The following GTF2E1 variants were observed in gnomAD, a reference collection of about 807,000 sequenced individuals.
GTF2E1 encodes TFIIE alpha subunit.
GTF2E1 carries 14 observed loss-of-function variants against 34.9 expected under a neutral mutation model. The observed-to-expected ratio is 0.40, with a 90% confidence interval of 0.27 to 0.63. GTF2E1 has a LOEUF of 0.63. Among genes scored for constraint, GTF2E1 ranks in the 20% least tolerant of loss-of-function variants. GTF2E1 has a pLI of 0.39. For missense variants in GTF2E1, 469 were observed against 557.7 expected, an observed-to-expected ratio of 0.84 and a Z score of 1.60; for synonymous variants, 188 against 192.9, an observed-to-expected ratio of 0.97 and a Z score of 0.21.
intron 2 of GTF2E1, among the ~76,000 whole-genome samples, chr3:120,769,196 TAA>T (rs75846153): frequency 2.9e-4 from 38 of 133,132 alleles, no homozygotes; most frequent in Admixed American, 3.1e-4. Flanking sequence ...ATCTTTTACC[TAA>T]AAAAAAAAAA....
At chr3:120,772,898 G>C (rs1709365116) in intron 3 of GTF2E1, among the ~76,000 whole-genome samples, 1 of 152,038 alleles carries the variant, frequency 6.6e-6, no homozygotes. Context: ...ATGAGTCTTA[G>C]TGGTACAGTG....
chr3:120,755,900 A>G (rs764065919), intron 2 of GTF2E1, among the ~76,000 whole-genome samples: 2 of 152,194 alleles, frequency 1.3e-5, no homozygotes, highest in East Asian at 1.9e-4. Context: ...TTCACTTAAC[A>G]TAATGATTTC....
Position 120,781,577 on chromosome 3 carries a change from A to C in GTF2E1, c.*107A>C. ...CTTTCTGCCCCTCTTGATGTAAGCAACTGTCCATCCTTGTGCAAAGATTGA... is the reference window on the plus strand; with the variant it reads ...CTTTCTGCCCCTCTTGATGTAAGCACCTGTCCATCCTTGTGCAAAGATTGA... On this transcript the variant is annotated 3_prime_UTR_variant, in exon 5 of 5. Coordinates refer to ENST00000283875, the MANE Select transcript of GTF2E1 (RefSeq NM_005513.3). The C allele has an allele frequency of 1.2e-6, 1 of 810,756 alleles. No individual in the cohort carries two copies. The highest frequency in any genetic ancestry group is 2.0e-6 in the Non-Finnish European group (1 of 506,700). 50.2% of individuals were successfully genotyped at this position (810,756 alleles called of 1,614,324 possible).
At chr3:120,761,208 G>A (rs1419209689) in intron 2 of GTF2E1, among the ~76,000 whole-genome samples, 1 of 152,170 alleles carries the variant, frequency 6.6e-6, no homozygotes, top group Admixed American at 6.5e-5. Flanking sequence ...TATTTTTGTA[G>A]CGTTGTTTAT....
Position 120,776,617 on chromosome 3 carries a change from G to A in GTF2E1, c.845G>A (p.Arg282Lys). The change falls in exon 4 of 5, where the codon AGA becomes AAA. Residue 282 changes from arginine (R) to lysine (K), a missense_variant. Physicochemically the swap from Arg to Lys is conservative, Grantham distance 26 (BLOSUM62 2). Transcript: ENST00000283875. ...KSAKERPIWLRESTVQGAYGS... is the reference protein window; with the variant it reads ...KSAKERPIWLKESTVQGAYGS... ...GCCAAAGAGAGGCCTATTTGGTTGA[G>A]AGAAAGCACTGTCCAAGGGGCATAT... 2 of 1,613,832 alleles carry A rather than the reference G, an allele frequency of 1.2e-6. No homozygotes were observed. The highest frequency in any genetic ancestry group is 1.7e-6 in the Non-Finnish European group (2 of 1,179,812).
chr3:120,745,868 T>G (rs751536595), intron 1 of GTF2E1, among the ~76,000 whole-genome samples: 34 of 152,170 alleles, frequency 2.2e-4, no homozygotes, highest in Non-Finnish European at 4.4e-4. Context: ...ACTACTTTGG[T>G]GTCGAGCCCA....
chr3:120,771,981 A>G (rs949419448), intron 3 of GTF2E1, among the ~76,000 whole-genome samples: 1 of 152,210 alleles, frequency 6.6e-6, no homozygotes, highest in Non-Finnish European at 1.5e-5. Context: ...TTAATTTCAC[A>G]GCTCAATTAT....
rs371166324 is a variant in GTF2E1 at position 120,750,573 on chromosome 3, C to T, written c.21C>T (p.Leu7=). 3.2e-5 allele frequency: 51 copies of T among 1,611,334 alleles called. 2 individuals carry two copies. In the South Asian group the frequency reaches 3.6e-4, roughly 11 times the overall value. MADPDV[L]TEVPAALKRL... is the part of the protein sequence containing the mutation. Reference sequence around the variant, plus strand: ...TAAAGATGGCAGACCCAGATGTCCTCACTGAAGTTCCAGCAGCATTGAAGC... The same window carrying T: ...TAAAGATGGCAGACCCAGATGTCCTTACTGAAGTTCCAGCAGCATTGAAGC... Residue 7 remains leucine (L), a synonymous_variant, in exon 2 of 5, where the codon CTC becomes CTT. Transcript: ENST00000283875.
intron 2 of GTF2E1, among the ~76,000 whole-genome samples, chr3:120,760,721 T>G (rs2107608507): frequency 6.6e-6 from 1 of 152,316 alleles, no homozygotes. Flanking sequence ...ATGTGATGGA[T>G]TACATTTATT....
At chr3:120,766,774 C>T (rs1431279868) in intron 2 of GTF2E1, among the ~76,000 whole-genome samples, 1 of 152,094 alleles carries the variant, frequency 6.6e-6, no homozygotes, top group Non-Finnish European at 1.5e-5. Flanking sequence ...ACTAAAGCTT[C>T]TTGCTGACTG....
At chr3:120,761,091 T>A (rs1245213898) in intron 2 of GTF2E1, among the ~76,000 whole-genome samples, 1 of 152,210 alleles carries the variant, frequency 6.6e-6, no homozygotes, top group South Asian at 2.1e-4. Flanking sequence ...TTGCCTCAAT[T>A]TCCAAGCCTG....
Position 120,781,218 on chromosome 3 carries a change from C to T in GTF2E1, c.1068C>T (p.Ser356=), listed in dbSNP as rs17243695. The T allele has an allele frequency of 0.013, 20,300 of 1,614,104 alleles. 141 individuals carry two copies. Among genetic ancestry groups the T allele is most frequent in the Middle Eastern group, 0.038 (228 of 6,062 alleles). The stretch of plus-strand genomic sequence containing the variant: ...CTGCCAATGGCAGTGACTCAGAAAG[C>T]GAGACCAGTGAGTCAGATGATGATT... ...VTAANGSDSE[S]ETSESDDDSP... is the part of the protein sequence containing the mutation. Residue 356 remains serine (S), a synonymous_variant, in exon 5 of 5, where the codon AGC becomes AGT. Transcript: ENST00000283875.
chr3:120,776,742 G>A, intron 4 of GTF2E1, 78 bp downstream of exon 4: 5 of 1,267,204 alleles, frequency 3.9e-6, no homozygotes, highest in Non-Finnish European at 5.5e-6. Flanking sequence ...AAACTGCCTG[G>A]GCAATTCTGG....
intron 2 of GTF2E1, among the ~76,000 whole-genome samples, chr3:120,768,729 C>G (rs1175986961): frequency 6.6e-6 from 1 of 152,106 alleles, no homozygotes; most frequent in Non-Finnish European, 1.5e-5. Context: ...TTTTAAGCCC[C>G]CACATGATTA....
At chr3:120,744,003 C>T (rs16831595) in intron 1 of GTF2E1, among the ~76,000 whole-genome samples, 1,723 of 152,146 alleles carry the variant, frequency 0.011, 33 homozygotes, top group African/African-American at 0.04. Flanking sequence ...AAACAAAGGT[C>T]CTAGGAGGTC....
chr3:120,781,525 C>A lies in GTF2E1; in HGVS notation c.*55C>A. On this transcript the variant is annotated 3_prime_UTR_variant, in exon 5 of 5. Coordinates refer to ENST00000283875, the MANE Select transcript of GTF2E1 (RefSeq NM_005513.3). Reference sequence around the variant, plus strand: ...ATGCTCAGTTCAAAAAGGAATGTCTCATCTTTGAAGAAAAGTATTTAAGTG... The same window carrying A: ...ATGCTCAGTTCAAAAAGGAATGTCTAATCTTTGAAGAAAAGTATTTAAGTG... The A allele has an allele frequency of 7.2e-7, 1 of 1,386,348 alleles. No homozygotes were observed. The highest frequency in any genetic ancestry group is 1.0e-6 in the Non-Finnish European group (1 of 990,126). The allele number at this position is 1,386,348 out of a possible 1,614,324, so 85.9% of individuals were successfully genotyped here.
chr3:120,776,379 A>G (rs983478656), intron 3 of GTF2E1, 44 bp from the exon 4 acceptor site: 5 of 1,563,012 alleles, frequency 3.2e-6, no homozygotes, highest in Non-Finnish European at 4.3e-6. Context: ...ACACCAAGAC[A>G]TTAATTTTTC....
Position 120,774,036 on chromosome 3 carries a change from A to G in GTF2E1, c.651-2387A>G, listed in dbSNP as rs181749287. Reference sequence around the variant, plus strand: ...AATGCTAAAGATAGAGAATAGAGAAAAACTCTGTGTTCAGGATTATATATA... The same window carrying G: ...AATGCTAAAGATAGAGAATAGAGAAGAACTCTGTGTTCAGGATTATATATA... On this transcript the variant is annotated intron_variant, in intron 3 of 4. Coordinates refer to ENST00000283875, the MANE Select transcript of GTF2E1 (RefSeq NM_005513.3). Among the ~76,000 whole-genome samples the G allele has an allele frequency of 1.8e-4, 27 of 152,330 alleles. No individual in the cohort carries two copies. The East Asian group carries it at 3.7e-3, about 21-fold the overall frequency.
rs2229308 is a variant in GTF2E1 at position 120,781,599 on chromosome 3, T to C, written c.*129T>C. On this transcript the variant is annotated 3_prime_UTR_variant, in exon 5 of 5. Coordinates refer to ENST00000283875, the MANE Select transcript of GTF2E1 (RefSeq NM_005513.3). ...GCAACTGTCCATCCTTGTGCAAAGATTGATGGTAGAGAGTTTGACTTTTAT... is the reference window on the plus strand; with the variant it reads ...GCAACTGTCCATCCTTGTGCAAAGACTGATGGTAGAGAGTTTGACTTTTAT... 18 of 712,140 alleles carry C rather than the reference T, an allele frequency of 2.5e-5. No individual in the cohort carries two copies. Among genetic ancestry groups the C allele is most frequent in the African/African-American group, 7.2e-5 (4 of 55,798 alleles). The allele number at this position is 712,140 out of a possible 1,614,324, so 44.1% of individuals were successfully genotyped here.
Sources: gnomAD v4.1 joint callset for allele counts (sites outside exome capture counted in the v4.1 genomes callset) on GRCh38, gnomAD v4.1.1 for gene constraint, MANE v1.5 for transcripts, NCBI Gene and HGNC (gene_info 2026-07-23, HGNC 2026-07-21) for gene names.